Variants in KALRN observed in about 807,000 individuals in gnomAD.
KALRN encodes the protein kalirin RhoGEF kinase, also known as kalirin.
A neutral mutation model predicts 353.7 loss-of-function variants in KALRN; 70 were observed. The ratio of observed to expected loss-of-function variants is 0.20; its 90% CI spans 0.16 to 0.24. The LOEUF (loss-of-function observed/expected upper bound fraction) is 0.24, where lower values mean the gene tolerates loss of function less well. Among genes scored for constraint, KALRN ranks in the 10% least tolerant of loss-of-function variants. The pLI is 1.00. For synonymous variants in KALRN, 1,391 were observed against 1,434.8 expected (o/e 0.97, Z 0.69); for missense variants, 2,791 against 3,756.7 (o/e 0.74, Z 6.72).
intron 1 of KALRN, 137 bp from the exon 2 acceptor site, chr3:124,227,853 C>G: frequency 2.7e-6 from 2 of 737,898 alleles, no homozygotes; most frequent in Non-Finnish European, 5.0e-6. Flanking sequence ...TCTCCTGGTC[C>G]ATCGGGCTGG....
chr3:124,329,820 C>G, intron 7 of KALRN, 41 bp from the exon 8 acceptor site: 1 of 1,599,054 alleles, frequency 6.3e-7, no homozygotes, highest in Non-Finnish European at 8.5e-7. Context: ...ACTCCTCACC[C>G]CCAGTGCTCC....
At chr3:124,550,451 T>C (rs1406465779) in intron 33 of KALRN, among the ~76,000 whole-genome samples, 2 of 152,182 alleles carry the variant, frequency 1.3e-5, no homozygotes, top group Admixed American at 1.3e-4. Context: ...GAAACATGTA[T>C]TGGGCCCCCA....
At chr3:124,528,269 G>T (rs939323793) in intron 33 of KALRN, among the ~76,000 whole-genome samples, 1 of 152,152 alleles carries the variant, frequency 6.6e-6, no homozygotes, top group African/African-American at 2.4e-5. Flanking sequence ...AACTCCAGGG[G>T]ACCCAGTGAA....
intron 33 of KALRN, among the ~76,000 whole-genome samples, chr3:124,532,496 A>G (rs541248201): frequency 1.3e-5 from 2 of 152,280 alleles, no homozygotes; most frequent in Non-Finnish European, 1.5e-5. Context: ...TGTTAGCCCA[A>G]TCATCTCTTA....
At chr3:124,182,838 T>C (rs762489422) in intron 1 of KALRN, among the ~76,000 whole-genome samples, 1 of 152,230 alleles carries the variant, frequency 6.6e-6, no homozygotes, top group African/African-American at 2.4e-5. Context: ...TCCTTATCTA[T>C]GCTGACCAAA....
At chr3:124,602,708 G>A (rs188913939) in intron 34 of KALRN, among the ~76,000 whole-genome samples, 2 of 152,188 alleles carry the variant, frequency 1.3e-5, no homozygotes, top group African/African-American at 4.8e-5. Flanking sequence ...ATGGCACCAG[G>A]AAGGACATAG....
At chr3:124,392,318 G>A (rs2089512871) in intron 11 of KALRN, among the ~76,000 whole-genome samples, 1 of 152,110 alleles carries the variant, frequency 6.6e-6, no homozygotes, top group South Asian at 2.1e-4. Flanking sequence ...GCACTGATAA[G>A]TATTGACTAT....
At chr3:124,399,329 G>T (rs1289016338) in intron 13 of KALRN, among the ~76,000 whole-genome samples, 2 of 151,994 alleles carry the variant, frequency 1.3e-5, no homozygotes, top group East Asian at 1.9e-4. Flanking sequence ...GTAGAGATAG[G>T]GTTTCACCAC....
chr3:124,264,153 A>C (rs558184705), intron 3 of KALRN, among the ~76,000 whole-genome samples: 51 of 152,054 alleles, frequency 3.4e-4, no homozygotes, highest in African/African-American at 9.6e-4. Flanking sequence ...ATGCTGCAAC[A>C]ATCATTTCCT....
chr3:124,523,539 G>C (rs1383259074), intron 33 of KALRN, among the ~76,000 whole-genome samples: 1 of 152,168 alleles, frequency 6.6e-6, no homozygotes, highest in Non-Finnish European at 1.5e-5. Flanking sequence ...AAGGCAAATA[G>C]AAAAGACATT....
intron 23 of KALRN, among the ~76,000 whole-genome samples, chr3:124,457,893 C>A (rs532801164): frequency 1.6e-4 from 24 of 152,246 alleles, no homozygotes; most frequent in African/African-American, 5.5e-4. Flanking sequence ...AATTTTACTT[C>A]AAAATACTTT....
At chr3:124,552,804 C>G (rs571608130) in intron 33 of KALRN, among the ~76,000 whole-genome samples, 1 of 152,136 alleles carries the variant, frequency 6.6e-6, no homozygotes, top group African/African-American at 2.4e-5. Context: ...TCACTCTTGT[C>G]GCCCAGGCTG....
At chr3:124,575,448 C>G (rs1369423025) in intron 34 of KALRN, among the ~76,000 whole-genome samples, 1 of 152,240 alleles carries the variant, frequency 6.6e-6, no homozygotes, top group Non-Finnish European at 1.5e-5. Context: ...TCCACAAAAC[C>G]TGTTCTGGAG....
At chr3:124,167,124 G>C (rs140516830) in intron 1 of KALRN, among the ~76,000 whole-genome samples, 2 of 152,274 alleles carry the variant, frequency 1.3e-5, no homozygotes, top group East Asian at 1.9e-4. Context: ...AAGATGGAGT[G>C]GGGGTGGACC....
chr3:124,240,881 T>A (rs1329197366), intron 3 of KALRN, among the ~76,000 whole-genome samples: 2 of 152,148 alleles, frequency 1.3e-5, no homozygotes, highest in Admixed American at 1.3e-4. Flanking sequence ...TCTAGCAGGC[T>A]CTCTCTAGCA....
intron 11 of KALRN, among the ~76,000 whole-genome samples, chr3:124,394,933 G>T (rs75110043): frequency 0.022 from 3,289 of 152,238 alleles, 124 homozygotes; most frequent in East Asian, 0.094. Flanking sequence ...TTTAGGGACT[G>T]TCAACACCAA....
chr3:124,509,648 T>C (rs751977973), intron 33 of KALRN, among the ~76,000 whole-genome samples: 20 of 152,252 alleles, frequency 1.3e-4, no homozygotes, highest in Non-Finnish European at 2.6e-4. Context: ...AAGTTGACTT[T>C]TTTAAATTAA....
intron 33 of KALRN, among the ~76,000 whole-genome samples, chr3:124,554,534 T>C (rs2070966070): frequency 6.6e-6 from 1 of 152,252 alleles, no homozygotes; most frequent in African/African-American, 2.4e-5. Context: ...TCCCTTTATG[T>C]AACAGCTTGT....
At chr3:124,045,922 G>A (rs1201330497) in intron 1 of KALRN, among the ~76,000 whole-genome samples, 2 of 152,142 alleles carry the variant, frequency 1.3e-5, no homozygotes, top group African/African-American at 4.8e-5. Context: ...AAAAGGTAGT[G>A]CAAACAAGAA....
Sources: allele counts gnomAD v4.1 joint callset (sites outside exome capture counted in the v4.1 genomes callset), GRCh38; gene constraint gnomAD v4.1.1; transcripts MANE v1.5; gene names NCBI Gene and HGNC (gene_info 2026-07-23, HGNC 2026-07-21).